The following TAF3 variants were observed in gnomAD, a reference collection of about 807,000 sequenced individuals.
TAF3 encodes TATA-box binding protein associated factor 3, also known as transcription initiation factor TFIID subunit 3.
In TAF3, 7 loss-of-function variants were observed where a neutral mutation model predicts 80.6. The ratio of observed to expected loss-of-function variants is 0.09; its 90% CI spans 0.05 to 0.16. TAF3 has a LOEUF of 0.16. TAF3 is among the 10% of genes least tolerant of loss of function. The probability of loss-of-function intolerance (pLI) is 1.00; values close to 1 mark genes in which losing one functional copy is unlikely to be tolerated. For missense variants in TAF3, 921 were observed against 1,140.2 expected (o/e 0.81, Z 2.77); for synonymous variants, 444 against 446.1 (o/e 1.00, Z 0.06).
intron 2 of TAF3, among the ~76,000 whole-genome samples, chr10:7,849,783 G>A (rs955750077): frequency 7.3e-5 from 11 of 151,552 alleles, no homozygotes; most frequent in African/African-American, 2.7e-4. Flanking sequence ...AGGCTCAAGC[G>A]ATCCTCCCAC....
intron 2 of TAF3, among the ~76,000 whole-genome samples, chr10:7,896,258 A>G (rs913444824): frequency 6.6e-6 from 1 of 151,980 alleles, no homozygotes; most frequent in Non-Finnish European, 1.5e-5. Flanking sequence ...TCAGATCTTT[A>G]CTCTTGTGAC....
At chr10:7,942,236 G>A (rs1000298970) in intron 2 of TAF3, among the ~76,000 whole-genome samples, 3 of 152,140 alleles carry the variant, frequency 2.0e-5, no homozygotes, top group Admixed American at 6.5e-5. Context: ...GCGTTTTGTC[G>A]ATTTCAGTCG....
chr10:8,008,214 A>C (rs1370451965), intron 4 of TAF3, among the ~76,000 whole-genome samples: 2 of 148,596 alleles, frequency 1.3e-5, no homozygotes, highest in South Asian at 4.2e-4. Flanking sequence ...CTCCTGCCTC[A>C]GCCTCCTGAG....
intron 2 of TAF3, among the ~76,000 whole-genome samples, chr10:7,913,244 G>C (rs1409144225): frequency 7.2e-5 from 11 of 152,138 alleles, no homozygotes; most frequent in African/African-American, 9.7e-5. Context: ...GGGATTCAAG[G>C]TATGAAGTGT....
chr10:7,998,265 G>GTA (rs58358249), intron 4 of TAF3, among the ~76,000 whole-genome samples: 2,092 of 132,858 alleles, frequency 0.016, 17 homozygotes, highest in South Asian at 0.034. Flanking sequence ...ATATATATAT[G>GTA]TATATATATA....
intron 2 of TAF3, among the ~76,000 whole-genome samples, chr10:7,951,447 C>G (rs1838081142): frequency 6.6e-6 from 1 of 152,198 alleles, no homozygotes. Flanking sequence ...CTTCATCACC[C>G]CGCAGGCTAA....
At chr10:7,940,780 C>T (rs1159063663) in intron 2 of TAF3, among the ~76,000 whole-genome samples, 1 of 151,988 alleles carries the variant, frequency 6.6e-6, no homozygotes, top group Non-Finnish European at 1.5e-5. Flanking sequence ...CAGAGCAAGA[C>T]CCTGTCTCTG....
At chr10:7,888,103 A>C (rs1837426044) in intron 2 of TAF3, among the ~76,000 whole-genome samples, 1 of 152,106 alleles carries the variant, frequency 6.6e-6, no homozygotes, top group African/African-American at 2.4e-5. Flanking sequence ...CCACTGGCTC[A>C]TTCTTGTCGC....
intron 2 of TAF3, among the ~76,000 whole-genome samples, chr10:7,868,325 C>G (rs914800491): frequency 6.0e-5 from 9 of 151,022 alleles, no homozygotes; most frequent in African/African-American, 1.2e-4. Flanking sequence ...TCTGGTGATT[C>G]AGGAGTGGAG....
intron 2 of TAF3, among the ~76,000 whole-genome samples, chr10:7,888,808 A>G (rs1376363215): frequency 6.6e-6 from 1 of 152,232 alleles, no homozygotes; most frequent in Admixed American, 6.5e-5. Flanking sequence ...TTTTAAGATG[A>G]CTGTCTCATC....
chr10:7,949,047 C>G (rs996361773), intron 2 of TAF3, among the ~76,000 whole-genome samples: 3 of 152,212 alleles, frequency 2.0e-5, no homozygotes, highest in African/African-American at 7.2e-5. Flanking sequence ...GACAGCCGCT[C>G]TCGGGTCAAC....
At chr10:7,971,717 C>T (rs1009839220) in intron 3 of TAF3, among the ~76,000 whole-genome samples, 1 of 151,960 alleles carries the variant, frequency 6.6e-6, no homozygotes, top group African/African-American at 2.4e-5. Context: ...ATCTCTTGAG[C>T]GATTTTCATT....
At chr10:7,971,836 A>G (rs182284217) in intron 3 of TAF3, among the ~76,000 whole-genome samples, 4 of 152,342 alleles carry the variant, frequency 2.6e-5, no homozygotes, top group African/African-American at 9.6e-5. Flanking sequence ...AGATTAACAA[A>G]AAAAATGCAG....
At chr10:7,840,859 T>C (rs944972918) in intron 2 of TAF3, among the ~76,000 whole-genome samples, 2 of 152,156 alleles carry the variant, frequency 1.3e-5, no homozygotes, top group Non-Finnish European at 2.9e-5. Context: ...TCTTTCTTTT[T>C]TTTTTTTGAG....
chr10:7,926,612 A>G (rs1837817407), intron 2 of TAF3, among the ~76,000 whole-genome samples: 1 of 152,200 alleles, frequency 6.6e-6, no homozygotes. Context: ...CATTACATCT[A>G]TAATAAGTTC....
intron 4 of TAF3, among the ~76,000 whole-genome samples, chr10:7,983,629 A>G (rs1429144263): frequency 2.0e-5 from 3 of 152,226 alleles, no homozygotes; most frequent in Non-Finnish European, 4.4e-5. Context: ...TCCCTGATTA[A>G]CTTGCTACAG....
At chr10:7,957,793 C>CTCTCTT (rs201526218) in intron 2 of TAF3, among the ~76,000 whole-genome samples, 2 of 15,536 alleles carry the variant, frequency 1.3e-4, no homozygotes, top group African/African-American at 1.9e-4. Flanking sequence ...CTCTCTAGCG[C>CTCTCTT]GCTCTCTCTC....
At chr10:7,918,123 A>T (rs1368873057) in intron 2 of TAF3, among the ~76,000 whole-genome samples, 1 of 152,204 alleles carries the variant, frequency 6.6e-6, no homozygotes, top group Non-Finnish European at 1.5e-5. Context: ...CCTTGAGTAC[A>T]TTGGCTGACT....
At chr10:8,004,817 G>T (rs1217139693) in intron 4 of TAF3, among the ~76,000 whole-genome samples, 2 of 152,056 alleles carry the variant, frequency 1.3e-5, no homozygotes, top group African/African-American at 2.4e-5. Flanking sequence ...CTGTGGATTG[G>T]TATCTTTCGT....
Sources: gnomAD v4.1 joint callset for allele counts (sites outside exome capture counted in the v4.1 genomes callset) on GRCh38, gnomAD v4.1.1 for gene constraint, MANE v1.5 for transcripts, NCBI Gene and HGNC (gene_info 2026-07-23, HGNC 2026-07-21) for gene names.